The following TARS3 variants were observed in gnomAD, a reference collection of about 807,000 sequenced individuals.
TARS3 encodes the protein threonine--tRNA ligase 2, cytoplasmic.
Under a neutral mutation model 103.5 loss-of-function variants are expected in TARS3, and 94 were observed. The ratio of observed to expected loss-of-function variants is 0.91; its 90% confidence interval spans 0.77 to 1.08. TARS3 has a LOEUF of 1.08. TARS3 is among the 50% of genes least tolerant of loss of function. The pLI is 0.00. For synonymous variants in TARS3, 416 were observed against 355.4 expected (o/e 1.17, Z -1.92); for missense variants, 952 against 995.2 (o/e 0.96, Z 0.58).
chr15:101,676,008 A>G (rs999665692), intron 12 of TARS3, among the ~76,000 whole-genome samples: 3 of 152,180 alleles, frequency 2.0e-5, no homozygotes, highest in East Asian at 3.9e-4. Flanking sequence ...GCCCAGAGGA[A>G]GTGAGACTGA....
chr15:101,672,523 G>A (rs1443819685), intron 13 of TARS3, among the ~76,000 whole-genome samples: 1 of 152,064 alleles, frequency 6.6e-6, no homozygotes, highest in African/African-American at 2.4e-5. Flanking sequence ...GGGCAGACTT[G>A]GGAGTGACGC....
At chr15:101,672,266 T>C (rs535798325) in intron 13 of TARS3, among the ~76,000 whole-genome samples, 1 of 152,152 alleles carries the variant, frequency 6.6e-6, no homozygotes, top group Non-Finnish European at 1.5e-5. Flanking sequence ...TGTGGAGGCA[T>C]GAGGCTCCAC....
In TARS3 at chr15:101,679,960, G is replaced by C. The variant is rs137867064; in HGVS notation, c.1650+4115C>G. 6.5e-4 allele frequency among the ~76,000 whole-genome samples: 99 copies of C among 152,302 alleles called. No individual in the cohort carries two copies. In the East Asian group the frequency reaches 0.013, roughly 20 times the overall value. On this transcript the variant is annotated intron_variant, in intron 12 of 18. Transcript: ENST00000335968. ...AGCATGGCCTCATGACCAATTGGCA[G>C]TGAGAAAGTCTTATCTTTCCACTAG...
intron 12 of TARS3, among the ~76,000 whole-genome samples, chr15:101,679,781 C>T (rs1473783017): frequency 6.6e-6 from 1 of 152,124 alleles, no homozygotes; most frequent in East Asian, 1.9e-4. Flanking sequence ...GACACTCTTC[C>T]AGCAGAGGGA....
intron 10 of TARS3, among the ~76,000 whole-genome samples, chr15:101,697,124 C>T (rs1899019553): frequency 6.6e-6 from 1 of 152,114 alleles, no homozygotes; most frequent in South Asian, 2.1e-4. Context: ...TCTTACTTTT[C>T]CCTCCCTTGA....
intron 18 of TARS3, 108 bp from the exon 19 acceptor site, chr15:101,654,838 A>G: frequency 4.1e-6 from 4 of 981,136 alleles, no homozygotes; most frequent in Non-Finnish European, 6.1e-6. Context: ...ACTAATATTA[A>G]ATATCATCTA....
intron 18 of TARS3, 52 bp from the exon 19 acceptor site, chr15:101,654,782 C>T (rs371396259): frequency 9.4e-5 from 147 of 1,556,362 alleles, no homozygotes; most frequent in Non-Finnish European, 1.2e-4. Flanking sequence ...ATTTACCAAA[C>T]ATTAAGTCAG....
rs1899249124 is a variant in TARS3 at position 101,701,098 on chromosome 15, T to C, written c.1308A>G (p.Thr436=). The C allele has an allele frequency of 6.4e-7, 1 of 1,563,186 alleles. No homozygotes were observed. Residue 436 remains threonine (T), a synonymous_variant, in exon 10 of 19, where the codon ACA becomes ACG. Coordinates refer to ENST00000335968, the MANE Select transcript of TARS3 (RefSeq NM_152334.3). Reference sequence around the variant, plus strand: ...AAAGTTAACTTACTCGTATGAAATCTGTAAGCGTATTATAAATGAAGGCTC... The same window carrying C: ...AAAGTTAACTTACTCGTATGAAATCCGTAAGCGTATTATAAATGAAGGCTC... ...PRGAFIYNTL[T]DFIREEYHKR...
intron 10 of TARS3, among the ~76,000 whole-genome samples, chr15:101,696,407 C>T (rs1234807234): frequency 6.6e-6 from 1 of 151,956 alleles, no homozygotes; most frequent in African/African-American, 2.4e-5. Flanking sequence ...CAATCAATAA[C>T]CCTGGCATGA....
chr15:101,654,746 G>A lies in TARS3; in HGVS notation c.2261-16C>T. On this transcript the variant is annotated splice_polypyrimidine_tract_variant and intron_variant, in intron 18 of 18. Transcript: ENST00000335968. ...TCTCCAACCACTGCAGAAAAGAAAG[G>A]TAAAGAAATGTATTTTAAATCAGCA... 2 of 1,609,138 alleles carry A rather than the reference G, an allele frequency of 1.2e-6. No homozygotes were observed. The highest frequency in any genetic ancestry group is 1.7e-6 in the Non-Finnish European group (2 of 1,178,018).
intron 3 of TARS3, 80 bp from the exon 4 acceptor site, chr15:101,715,043 G>T (rs866072744): frequency 6.1e-5 from 67 of 1,098,476 alleles, no homozygotes; most frequent in Admixed American, 2.4e-4. Context: ...AATTTCTAGG[G>T]TTTTTTTTTT....
chr15:101,671,057 AACAC>A (rs66771228), intron 15 of TARS3, among the ~76,000 whole-genome samples: 1 of 150,542 alleles, frequency 6.6e-6, no homozygotes, highest in African/African-American at 2.4e-5. Context: ...CTGTACACAC[AACAC>A]ACACACACAC....
Position 101,708,915 on chromosome 15 carries a change from AAAG to A in TARS3, c.813-8_813-6del, listed in dbSNP as rs759271628. On this transcript the variant is annotated splice_polypyrimidine_tract_variant and splice_region_variant and intron_variant, in intron 5 of 18. Transcript: ENST00000335968. ...AATTCTGTGCTGGACACTGCTCTAA[AAAG>A]AAGAGCAGAGAACCGACATCCATCT... The A allele has an allele frequency of 1.0e-3, 1,580 of 1,544,924 alleles. 2 individuals are homozygous for A. Among genetic ancestry groups the A allele is most frequent in the South Asian group, 1.3e-3 (111 of 83,258 alleles).
At position 101,675,757 on chromosome 15, in the gene TARS3, A is replaced by G; in HGVS notation, c.1651-20T>C. On this transcript the variant is annotated intron_variant, in intron 12 of 18. Coordinates refer to ENST00000335968, the MANE Select transcript of TARS3 (RefSeq NM_152334.3). ...TTCAATCTGAAATCAAAGCAAATGA[A>G]ACATTCAAATAGAACATCAAATTCA... The G allele has an allele frequency of 2.5e-6, 4 of 1,601,424 alleles. No homozygotes were observed. The highest frequency in any genetic ancestry group is 3.4e-6 in the Non-Finnish European group (4 of 1,175,530).
intron 9 of TARS3, among the ~76,000 whole-genome samples, chr15:101,701,782 CT>C (rs936936134): frequency 1.7e-4 from 25 of 147,672 alleles, no homozygotes; most frequent in South Asian, 2.1e-4. Context: ...AAAAACAACT[CT>C]TTTTTTTTTT....
rs1269228781 is a variant in TARS3, at chr15:101,705,685, G to A, written c.993C>T (p.Tyr331=). The A allele has an allele frequency of 6.2e-7, 1 of 1,610,306 alleles. No individual in the cohort carries two copies. Among genetic ancestry groups the A allele is most frequent in the Non-Finnish European group, 8.5e-7 (1 of 1,177,792 alleles). The change falls in exon 7 of 19, where the codon TAC becomes TAT. Residue 331 remains tyrosine (Y), a splice_region_variant and synonymous_variant. Coordinates refer to ENST00000335968, the MANE Select transcript of TARS3 (RefSeq NM_152334.3). ...EKVNTATTTV[Y]RCGPLIDLCK... is the part of the protein sequence containing the mutation. ...GTTTACCATGTGTGGACACAAACCT[G>A]TACACGGTGGTAGTTGCAGTGTTAA...
Position 101,724,308 on chromosome 15 carries a change from G to A in TARS3, c.80C>T (p.Ser27Leu), listed in dbSNP as rs756406341. Reference protein sequence around the residue: ...RQEEDIRWLWSEVERLRDEQL... With the variant: ...RQEEDIRWLWLEVERLRDEQL... ...CTCGTCCCTCAGGCGCTCGACCTCC[G>A]ACCACAGCCAGCGGATGTCCTCCTC... Residue 27 changes from serine (S) to leucine (L), a missense_variant, in exon 1 of 19, where the codon TCG (serine) becomes TTG (leucine). By Grantham distance (145) the Ser-to-Leu change is moderately radical (BLOSUM62 -2). Transcript: ENST00000335968. 2.9e-5 allele frequency: 45 copies of A among 1,570,540 alleles called. No individual in the cohort carries two copies. Among genetic ancestry groups the A allele is most frequent in the Non-Finnish European group, 3.5e-5 (41 of 1,165,028 alleles).
chr15:101,716,546 C>T (rs1900167207), intron 3 of TARS3, among the ~76,000 whole-genome samples: 1 of 152,074 alleles, frequency 6.6e-6, no homozygotes, highest in South Asian at 2.1e-4. Context: ...ATTTCCAAAA[C>T]GTGATATTTA....
intron 10 of TARS3, among the ~76,000 whole-genome samples, chr15:101,690,775 A>G (rs1161232594): frequency 6.6e-6 from 1 of 152,132 alleles, no homozygotes; most frequent in Admixed American, 6.5e-5. Flanking sequence ...TTTCTATGTG[A>G]TTTTAATTGT....
Sources: allele counts gnomAD v4.1 joint callset (sites outside exome capture counted in the v4.1 genomes callset), GRCh38; gene constraint gnomAD v4.1.1; transcripts MANE v1.5; gene names NCBI Gene and HGNC (gene_info 2026-07-23, HGNC 2026-07-21).